MOBP: variants seen among roughly 807,000 people sequenced by gnomAD.
MOBP encodes the protein myelin associated oligodendrocyte basic protein.
MOBP carries 5 observed loss-of-function variants against 15.0 expected under a neutral mutation model. The observed-to-expected ratio is 0.33, with a 90% confidence interval of 0.17 to 0.70. The LOEUF (loss-of-function observed/expected upper bound fraction) is 0.70. MOBP is among the 30% of genes least tolerant of loss of function. The pLI, the probability that MOBP is intolerant of heterozygous loss-of-function variation, is 0.67. For synonymous variants in MOBP, 88 were observed against 99.0 expected, an observed-to-expected ratio of 0.89 and a Z score of 0.66; for missense variants, 188 against 257.8, an observed-to-expected ratio of 0.73 and a Z score of 1.85.
chr3:39,489,378 G>A (rs1453335557), intron 2 of MOBP, among the ~76,000 whole-genome samples: 1 of 152,126 alleles, frequency 6.6e-6, no homozygotes, highest in Non-Finnish European at 1.5e-5. Context: ...TGTGAGCATA[G>A]GGACCTTCTT....
chr3:39,470,922 C>T (rs933751219), intron 1 of MOBP, among the ~76,000 whole-genome samples: 1 of 152,098 alleles, frequency 6.6e-6, no homozygotes, highest in Non-Finnish European at 1.5e-5. Flanking sequence ...ATATAATCAA[C>T]AAATCCACTC....
At chr3:39,469,287 TGTG>T (rs2042431959) in intron 1 of MOBP, among the ~76,000 whole-genome samples, 1 of 60,500 alleles carries the variant, frequency 1.7e-5, no homozygotes, top group Admixed American at 1.7e-4. Flanking sequence ...TATATACATA[TGTG>T]TGTATATGTA....
chr3:39,517,676 T>C (rs2043220312), downstream of MOBP: 1 of 152,220 alleles, frequency 6.6e-6, no homozygotes, highest in African/African-American at 2.4e-5. Context: ...GGTTTGAGTT[T>C]AATTGACTGG....
downstream of MOBP, among the ~76,000 whole-genome samples, chr3:39,506,118 C>T (rs2043045007): frequency 1.3e-5 from 2 of 152,150 alleles, no homozygotes; most frequent in African/African-American, 4.8e-5. Context: ...TACAACTTAG[C>T]AACCCCCCTA....
At chr3:39,478,986 C>T (rs1208001636) in intron 1 of MOBP, among the ~76,000 whole-genome samples, 4 of 152,026 alleles carry the variant, frequency 2.6e-5, no homozygotes, top group African/African-American at 7.3e-5. Context: ...CCTGCCACCA[C>T]GCCTGGCTAA....
At chr3:39,508,203 A>G (rs1021940070) in intron 4 of MOBP, among the ~76,000 whole-genome samples, 1 of 152,236 alleles carries the variant, frequency 6.6e-6, no homozygotes, top group Non-Finnish European at 1.5e-5. Flanking sequence ...CAAAAGTGTC[A>G]TGTATGCATG....
At chr3:39,486,194 G>T (rs2042705641) in intron 2 of MOBP, among the ~76,000 whole-genome samples, 1 of 152,082 alleles carries the variant, frequency 6.6e-6, no homozygotes, top group Non-Finnish European at 1.5e-5. Context: ...TGGGGTCCTG[G>T]GACTCCATTT....
chr3:39,501,218 C>T (rs1490310743), intron 2 of MOBP, among the ~76,000 whole-genome samples: 1 of 152,224 alleles, frequency 6.6e-6, no homozygotes, highest in African/African-American at 2.4e-5. Context: ...TTTGTAATTA[C>T]ATACTGCACA....
chr3:39,501,911 TG>T lies in MOBP; in HGVS notation c.-4-149del, dbSNP rs568454644. On this transcript the variant is annotated intron_variant, in intron 2 of 3. Coordinates refer to ENST00000684792, the MANE Select transcript of MOBP (RefSeq NM_001393704.1). The stretch of plus-strand genomic sequence containing the variant: ...TTAGTTGAGTTCCTTTCCACAGAGT[TG>T]GGGGGAAGTTGGTCTTCCAGGGTGT... 6.4e-4 allele frequency among the ~76,000 whole-genome samples: 98 copies of T among 152,194 alleles called. 2 individuals are homozygous for T. In the South Asian group the frequency reaches 8.1e-3, roughly 13 times the overall value.
intron 2 of MOBP, among the ~76,000 whole-genome samples, chr3:39,484,002 A>T (rs1278860616): frequency 6.6e-6 from 1 of 152,214 alleles, no homozygotes; most frequent in Non-Finnish European, 1.5e-5. Flanking sequence ...GTGAAACAGA[A>T]CCCTGAGGAT....
chr3:39,499,379 T>C (rs1464180593), intron 2 of MOBP: 1 of 152,292 alleles, frequency 6.6e-6, no homozygotes, highest in Non-Finnish European at 1.5e-5. Context: ...TATCTGATCA[T>C]CTCCTTTTGA....
chr3:39,483,658 T>G (rs778654591), intron 2 of MOBP, among the ~76,000 whole-genome samples: 1 of 152,210 alleles, frequency 6.6e-6, no homozygotes, highest in Admixed American at 6.5e-5. Context: ...AGGAAAAAAT[T>G]ATAAGAGAAT....
intron 2 of MOBP, among the ~76,000 whole-genome samples, chr3:39,499,264 C>A (rs76800376): frequency 0.018 from 2,685 of 152,244 alleles, 79 homozygotes; most frequent in African/African-American, 0.061. Context: ...TGGGGAAGGG[C>A]TTAGCAGACG....
chr3:39,497,460 C>G (rs905291186), intron 2 of MOBP, among the ~76,000 whole-genome samples: 1 of 152,194 alleles, frequency 6.6e-6, no homozygotes, highest in African/African-American at 2.4e-5. Flanking sequence ...GGCCCAGCAC[C>G]TGGACTCCTA....
At chr3:39,473,420 T>C (rs991910094) in intron 1 of MOBP, among the ~76,000 whole-genome samples, 7 of 152,036 alleles carry the variant, frequency 4.6e-5, no homozygotes, top group Admixed American at 4.6e-4. Context: ...GTGAGAGCCT[T>C]TATTGTGGTT....
chr3:39,502,189 G>T lies in MOBP; in HGVS notation c.120G>T (p.Val40=). The T allele has an allele frequency of 1.2e-6, 2 of 1,614,228 alleles. No individual in the cohort carries two copies. The highest frequency in any genetic ancestry group is 2.2e-5 in the South Asian group (2 of 91,084). The change falls in exon 3 of 4, where the codon GTG becomes GTT. Residue 40 remains valine (V), a synonymous_variant. Transcript: ENST00000684792. The surrounding 1 kb of genome is among the most constrained non-coding windows in gnomAD (Gnocchi z 6.3). ...FTFLNSKKEI[V]DRKYSICKSG... ...TCCTCAATTCCAAGAAGGAGATAGTGGATCGGAAATACAGCATCTGTAAGA... is the reference window on the plus strand; with the variant it reads ...TCCTCAATTCCAAGAAGGAGATAGTTGATCGGAAATACAGCATCTGTAAGA...
rs1195351241 is a variant in MOBP at position 39,502,295 on chromosome 3, C to T, written c.206+20C>T. 4 of 1,613,370 alleles carry T rather than the reference C, an allele frequency of 2.5e-6. No individual in the cohort carries two copies. Among genetic ancestry groups the T allele is most frequent in the African/African-American group, 2.7e-5 (2 of 74,918 alleles). On this transcript the variant is annotated intron_variant, in intron 3 of 3. Transcript: ENST00000684792. This position sits in a 1 kb window ranked among gnomAD's most constrained non-coding sequence, Gnocchi z 6.3. The stretch of plus-strand genomic sequence containing the variant: ...GACCAGGTAAGCGGCCGCCCAGCCC[C>T]GCGGCACCAGTTGGGCACAGCGCGT...
chr3:39,489,140 C>T (rs2042757789), intron 2 of MOBP, among the ~76,000 whole-genome samples: 1 of 152,196 alleles, frequency 6.6e-6, no homozygotes, highest in Non-Finnish European at 1.5e-5. Context: ...TGTTTCCTCC[C>T]TCATGTATGG....
chr3:39,496,256 TGGCCC>T, intron 2 of MOBP, among the ~76,000 whole-genome samples: 1 of 151,758 alleles, frequency 6.6e-6, no homozygotes. Flanking sequence ...TGGAGTGCAG[TGGCCC>T]GATCTCGGCT....
Sources: allele counts gnomAD v4.1 joint callset (sites outside exome capture counted in the v4.1 genomes callset), GRCh38; gene constraint gnomAD v4.1.1; non-coding constraint Gnocchi (gnomAD v3.1); transcripts MANE v1.5; gene names NCBI Gene and HGNC (gene_info 2026-07-23, HGNC 2026-07-21).